Variants in ADGB observed in about 807,000 individuals in gnomAD.
The protein encoded by ADGB is calpain-7-like protein.
ADGB carries 172 observed loss-of-function variants against 210.5 expected under a neutral mutation model. That is an observed-to-expected ratio of 0.82 (90% CI 0.72 to 0.93). The LOEUF is 0.93. Ranked by LOEUF, ADGB falls within the 40% of genes least tolerant of loss-of-function variation. The pLI is 0.00. For synonymous variants in ADGB, 658 were observed against 662.7 expected (o/e 0.99, Z 0.11); for missense variants, 2,025 against 1,964.8 (o/e 1.03, Z -0.58).
rs1562295306 is a variant in ADGB at position 146,764,017 on chromosome 6, A to G, written c.3667A>G (p.Ile1223Val). The change falls in exon 28 of 36, where the codon ATA becomes GTA. Residue 1223 changes from isoleucine (I) to valine (V), a missense_variant. Physicochemically the swap from Ile to Val is conservative, Grantham distance 29 (BLOSUM62 3). Coordinates refer to ENST00000397944, the MANE Select transcript of ADGB (RefSeq NM_024694.4). ...KSPKGRAVSA[I>V]QDIGLPLVEE... Reference sequence around the variant, plus strand: ...CCCCAAGGGTAGAGCTGTAAGTGCAATACAAGACATTGGTCTACCCCTTGT... The same window carrying G: ...CCCCAAGGGTAGAGCTGTAAGTGCAGTACAAGACATTGGTCTACCCCTTGT... 6.4e-7 allele frequency: 1 copy of G among 1,551,532 alleles called. No homozygotes were observed. Among genetic ancestry groups the G allele is most frequent in the South Asian group, 1.2e-5 (1 of 84,054 alleles).
chr6:146,623,633 G>A (rs1449907543), intron 1 of ADGB, among the ~76,000 whole-genome samples: 1 of 151,832 alleles, frequency 6.6e-6, no homozygotes, highest in East Asian at 1.9e-4. Context: ...CATGTCATCT[G>A]CAAATGAGAA....
At chr6:146,685,578 G>A (rs1459311354) in intron 9 of ADGB, among the ~76,000 whole-genome samples, 156 bp from the exon 10 acceptor site, 1 of 151,926 alleles carries the variant, frequency 6.6e-6, no homozygotes, top group East Asian at 1.9e-4. Flanking sequence ...ATACATCTTT[G>A]AGATTTAACA....
intron 1 of ADGB, among the ~76,000 whole-genome samples, chr6:146,611,645 C>A (rs1042719926): frequency 6.6e-6 from 1 of 152,144 alleles, no homozygotes; most frequent in African/African-American, 2.4e-5. Context: ...CGGCTTCCAC[C>A]TCCTTCAGTC....
chr6:146,737,255 G>A (rs1170740319), intron 23 of ADGB, among the ~76,000 whole-genome samples: 1 of 152,006 alleles, frequency 6.6e-6, no homozygotes, highest in Non-Finnish European at 1.5e-5. Context: ...ACAGACAAAT[G>A]GAAAGTACGT....
Position 146,815,255 on chromosome 6 carries a change from A to G in ADGB, c.*38A>G, listed in dbSNP as rs746060205. The G allele has an allele frequency of 1.4e-6, 2 of 1,424,114 alleles. No homozygotes were observed. The highest frequency in any genetic ancestry group is 3.0e-5 in the African/African-American group (2 of 67,018). 88.2% of individuals were successfully genotyped at this position (1,424,114 alleles called of 1,614,324 possible). ...CAATACTACCCTGCTTCTGGAGAGA[A>G]AAAATCTATTTGTAATGATCTTTAA... On this transcript the variant is annotated 3_prime_UTR_variant, in exon 36 of 36. Coordinates refer to ENST00000397944, the MANE Select transcript of ADGB (RefSeq NM_024694.4).
chr6:146,650,509 A>C (rs2114878114), intron 3 of ADGB, among the ~76,000 whole-genome samples: 1 of 148,074 alleles, frequency 6.8e-6, no homozygotes, highest in South Asian at 2.2e-4. Flanking sequence ...CTGGAGTCCC[A>C]GGTAAACTAG....
At chr6:146,750,572 T>C (rs1338155721) in intron 26 of ADGB, among the ~76,000 whole-genome samples, 1 of 152,074 alleles carries the variant, frequency 6.6e-6, no homozygotes, top group Non-Finnish European at 1.5e-5. Flanking sequence ...AAAAGTGTTG[T>C]CTTTTAGTGT....
At chr6:146,668,344 A>G (rs1775964255) in intron 7 of ADGB, among the ~76,000 whole-genome samples, 2 of 152,084 alleles carry the variant, frequency 1.3e-5, no homozygotes, top group South Asian at 4.1e-4. Flanking sequence ...GGTTGAAGAC[A>G]GGCCCTAGTA....
chr6:146,724,197 G>C lies in ADGB; in HGVS notation c.2107G>C (p.Asp703His). 6.5e-7 allele frequency: 1 copy of C among 1,547,420 alleles called. No individual in the cohort carries two copies. Among genetic ancestry groups the C allele is most frequent in the Non-Finnish European group, 8.7e-7 (1 of 1,145,766 alleles). Residue 703 changes from aspartate (D) to histidine (H), a missense_variant, in exon 18 of 36, where the codon GAC becomes CAC. Physicochemically the swap from Asp to His is moderately conservative, Grantham distance 81. Coordinates refer to ENST00000397944, the MANE Select transcript of ADGB (RefSeq NM_024694.4). ...RWGEYGALTKDSPPIEPGLLT... is the reference protein window; with the variant it reads ...RWGEYGALTKHSPPIEPGLLT... ...TACTTATCTTAAAGCCTTAACAAAA[G>C]ACAGTCCTCCCATAGAGCCTGGACT...
At chr6:146,758,410 T>C (rs1777440534) in intron 27 of ADGB, among the ~76,000 whole-genome samples, 1 of 152,050 alleles carries the variant, frequency 6.6e-6, no homozygotes, top group Non-Finnish European at 1.5e-5. Context: ...CACCACCAAT[T>C]TTCTCTGCAA....
intron 1 of ADGB, among the ~76,000 whole-genome samples, chr6:146,613,167 C>T (rs767176994): frequency 3.7e-4 from 56 of 151,862 alleles, no homozygotes; most frequent in Non-Finnish European, 6.5e-4. Context: ...TACTCAAGCA[C>T]GATGTATTGA....
At position 146,651,898 on chromosome 6, in the gene ADGB, G is replaced by A. The variant is rs144180168; in HGVS notation, c.331-2237G>A. 7.4e-3 allele frequency among the ~76,000 whole-genome samples: 1,124 copies of A among 152,216 alleles called. 9 individuals are homozygous for A. Among genetic ancestry groups the A allele is most frequent in the Non-Finnish European group, 0.011 (724 of 67,994 alleles). ...AATGCATTTTGAAGCTAAGCTACTC[G>A]ATTACACTGTTATAAAATACCTTAA... On this transcript the variant is annotated intron_variant, in intron 3 of 35. Coordinates refer to ENST00000397944, the MANE Select transcript of ADGB (RefSeq NM_024694.4).
intron 13 of ADGB, among the ~76,000 whole-genome samples, chr6:146,706,385 G>A (rs112301385): frequency 4.9e-4 from 75 of 151,590 alleles, no homozygotes; most frequent in African/African-American, 1.6e-3. Flanking sequence ...TCAGCCTCTC[G>A]AGTAGTTGGG....
chr6:146,672,946 G>A (rs951904828), intron 8 of ADGB, among the ~76,000 whole-genome samples: 3 of 151,854 alleles, frequency 2.0e-5, no homozygotes, highest in Non-Finnish European at 2.9e-5. Context: ...GGCCAGGCTG[G>A]TCTTGAACTC....
In ADGB at chr6:146,685,874, T is replaced by G. The variant is rs573179381; in HGVS notation, c.1311+46T>G. On this transcript the variant is annotated intron_variant, in intron 10 of 35. Coordinates refer to ENST00000397944, the MANE Select transcript of ADGB (RefSeq NM_024694.4). ...AACAGTATTATTTATTTTGTGTGTG[T>G]GGGTGCACGTGTGTGTGTGATTACT... 50 of 1,225,992 alleles carry G rather than the reference T, an allele frequency of 4.1e-5. No individual in the cohort carries two copies. In the South Asian group the frequency reaches 7.1e-4, roughly 17 times the overall value. 75.9% of individuals were successfully genotyped at this position (1,225,992 alleles called of 1,614,324 possible). A position where few individuals can be genotyped will look rare whatever the true frequency, so the allele number is the denominator to read the frequency against.
rs762994630 is a variant in ADGB, at chr6:146,801,829, A to G, written c.4636A>G (p.Lys1546Glu). 120 of 1,536,540 alleles carry G rather than the reference A, an allele frequency of 7.8e-5. No homozygotes were observed. Among genetic ancestry groups the G allele is most frequent in the Non-Finnish European group, 9.7e-5 (111 of 1,140,034 alleles). ...EFMDLSQYVR[K>E]TDTDPLLQTD... ...TCTTTTGATGACTTTTGTATCAAGG[A>G]AAACAGATACAGATCCTCTGCTGCA... Residue 1546 changes from lysine to glutamate, a missense_variant and splice_region_variant, in exon 35 of 36, where the codon AAA becomes GAA. By Grantham distance (56) the Lys-to-Glu change is moderately conservative. Coordinates refer to ENST00000397944, the MANE Select transcript of ADGB (RefSeq NM_024694.4).
At chr6:146,759,318 A>G (rs1290188836) in intron 27 of ADGB, among the ~76,000 whole-genome samples, 1 of 151,834 alleles carries the variant, frequency 6.6e-6, no homozygotes, top group Admixed American at 6.6e-5. Context: ...AATTTACAGA[A>G]TATCTGTATA....
intron 3 of ADGB, among the ~76,000 whole-genome samples, chr6:146,651,324 T>C (rs1775697230): frequency 6.6e-6 from 1 of 152,182 alleles, no homozygotes; most frequent in Non-Finnish European, 1.5e-5. Context: ...AAACACACAG[T>C]GTCTCACAAA....
Position 146,639,717 on chromosome 6 carries a change from G to A in ADGB, c.237+4180G>A, listed in dbSNP as rs1013461898. The A allele has an allele frequency of 2.6e-5, 4 of 152,042 alleles. No individual in the cohort carries two copies. In the South Asian group the frequency reaches 8.3e-4, roughly 32 times the overall value. 9.4% of individuals were successfully genotyped at this position (152,042 alleles called of 1,614,324 possible). A position where few individuals can be genotyped will look rare whatever the true frequency, so the allele number is the denominator to read the frequency against. On this transcript the variant is annotated intron_variant, in intron 2 of 35. Transcript: ENST00000397944. ...AGTATACAGTGCTCACTTCAGCAGTGCATATACTAAAATTGGAATGATACA... is the reference window on the plus strand; with the variant it reads ...AGTATACAGTGCTCACTTCAGCAGTACATATACTAAAATTGGAATGATACA...
Sources: gnomAD v4.1 joint callset for allele counts (sites outside exome capture counted in the v4.1 genomes callset) on GRCh38, gnomAD v4.1.1 for gene constraint, MANE v1.5 for transcripts, NCBI Gene and HGNC (gene_info 2026-07-23, HGNC 2026-07-21) for gene names.